AHCYL2: variants seen among roughly 807,000 people sequenced by gnomAD.
The protein encoded by AHCYL2 is adenosylhomocysteinase like 2.
AHCYL2 carries 28 observed loss-of-function variants against 81.4 expected under a neutral mutation model. That is an observed-to-expected ratio of 0.34 (90% CI 0.25 to 0.47). AHCYL2 has a LOEUF of 0.47. Ranked by LOEUF, AHCYL2 falls within the 20% of genes least tolerant of loss-of-function variation. AHCYL2 has a pLI of 1.00. For missense variants in AHCYL2, 551 were observed against 785.1 expected (o/e 0.70, Z 3.56); for synonymous variants, 272 against 290.2 (o/e 0.94, Z 0.64).
In AHCYL2 at chr7:129,426,303, G is replaced by A; in HGVS notation, c.1709-140G>A. 7.8e-7 allele frequency: 1 copy of A among 1,278,632 alleles called. No homozygotes were observed. The highest frequency in any genetic ancestry group is 1.1e-6 in the Non-Finnish European group (1 of 890,674). The allele number at this position is 1,278,632 out of a possible 1,614,324, so 79.2% of individuals were successfully genotyped here. A position where few individuals can be genotyped will look rare whatever the true frequency, so the allele number is the denominator to read the frequency against. On this transcript the variant is annotated intron_variant, in intron 15 of 16. Coordinates refer to ENST00000325006, the MANE Select transcript of AHCYL2 (RefSeq NM_015328.4). The surrounding 1 kb of genome is among the most constrained non-coding windows in gnomAD (Gnocchi z 4.3). ...AGCTATTCCTTAGAATTGAGGACCA[G>A]TGAGCGAAGGTTGAACATTTTTCAT...
chr7:129,242,223 A>T (rs1464812532), intron 1 of AHCYL2, among the ~76,000 whole-genome samples: 1 of 151,554 alleles, frequency 6.6e-6, no homozygotes, highest in African/African-American at 2.4e-5. Flanking sequence ...CATTCATCTC[A>T]CTGTGTTGCC....
chr7:129,383,952 T>C (rs371034365), intron 2 of AHCYL2, among the ~76,000 whole-genome samples: 1 of 152,214 alleles, frequency 6.6e-6, no homozygotes, highest in East Asian at 1.9e-4. Flanking sequence ...AACAATGTGT[T>C]GTATTCTAGA....
At chr7:129,324,130 G>T (rs7792317) in intron 1 of AHCYL2, among the ~76,000 whole-genome samples, 2 of 152,040 alleles carry the variant, frequency 1.3e-5, no homozygotes, top group South Asian at 4.2e-4. Context: ...TGATCCACCC[G>T]CCTTGGTGTC....
In AHCYL2 at chr7:129,413,600, A is replaced by G. The variant is rs368099190; in HGVS notation, c.1373A>G (p.Lys458Arg). The change falls in exon 12 of 17, where the codon AAG (lysine) becomes AGG (arginine). Residue 458 changes from lysine to arginine, a missense_variant. Lys to Arg is a conservative substitution (Grantham distance 26, BLOSUM62 2). Coordinates refer to ENST00000325006, the MANE Select transcript of AHCYL2 (RefSeq NM_015328.4). Reference protein sequence around the residue: ...VDIVITCTGNKNVVTREHLDR... With the variant: ...VDIVITCTGNRNVVTREHLDR... ...CCTCTCTTCTGTTTTTAAGGTAACA[A>G]GAATGTGGTAACCAGAGAGCACTTG... The G allele has an allele frequency of 1.2e-6, 2 of 1,613,784 alleles. No homozygotes were observed. The highest frequency in any genetic ancestry group is 1.7e-6 in the Non-Finnish European group (2 of 1,179,824).
intron 11 of AHCYL2, among the ~76,000 whole-genome samples, chr7:129,410,639 G>A (rs537875680): frequency 6.6e-5 from 10 of 152,282 alleles, no homozygotes; most frequent in African/African-American, 2.4e-4. Flanking sequence ...ATTAAGGCAA[G>A]GCTAGAGAGA....
At chr7:129,349,186 GTT>G (rs1793463968) in intron 1 of AHCYL2, among the ~76,000 whole-genome samples, 1 of 152,098 alleles carries the variant, frequency 6.6e-6, no homozygotes, top group Non-Finnish European at 1.5e-5. Flanking sequence ...TCTTGAAAAT[GTT>G]TTGATTCTAT....
chr7:129,364,763 C>A (rs1376245419), intron 1 of AHCYL2, among the ~76,000 whole-genome samples: 1 of 152,052 alleles, frequency 6.6e-6, no homozygotes, highest in African/African-American at 2.4e-5. Context: ...TAATGCAGAT[C>A]AAAATGGATT....
intron 1 of AHCYL2, among the ~76,000 whole-genome samples, chr7:129,235,158 A>G (rs1466003537): frequency 1.3e-5 from 2 of 151,802 alleles, no homozygotes; most frequent in Non-Finnish European, 2.9e-5. Flanking sequence ...AGCATTTGAC[A>G]TTGACTCCTT....
chr7:129,379,869 C>A, intron 2 of AHCYL2, 120 bp downstream of exon 2: 2 of 685,980 alleles, frequency 2.9e-6, no homozygotes, highest in Non-Finnish European at 4.5e-6. Context: ...ATAAATACTT[C>A]GAGTCAAAAT....
chr7:129,365,401 G>A (rs1280091065), intron 1 of AHCYL2, among the ~76,000 whole-genome samples: 1 of 152,206 alleles, frequency 6.6e-6, no homozygotes, highest in Non-Finnish European at 1.5e-5. Flanking sequence ...ACTCCTTAGA[G>A]TATGTACCCT....
intron 1 of AHCYL2, among the ~76,000 whole-genome samples, chr7:129,359,977 A>G (rs1276081391): frequency 1.3e-5 from 2 of 152,102 alleles, no homozygotes; most frequent in Non-Finnish European, 1.5e-5. Flanking sequence ...TGTTATAGTG[A>G]TGTTTCTATT....
intron 11 of AHCYL2, chr7:129,410,458 A>G: frequency 7.9e-7 from 1 of 1,264,686 alleles, no homozygotes; most frequent in Non-Finnish European, 1.2e-6. Flanking sequence ...TTAAATGTGT[A>G]CGTCATTCAT....
intron 1 of AHCYL2, among the ~76,000 whole-genome samples, chr7:129,255,998 TC>T (rs1218718511): frequency 6.6e-6 from 1 of 151,916 alleles, no homozygotes; most frequent in African/African-American, 2.4e-5. Flanking sequence ...GAGATTGAGT[TC>T]AAAGGGAAGT....
intron 1 of AHCYL2, among the ~76,000 whole-genome samples, chr7:129,294,212 A>G (rs1260937200): frequency 1.3e-5 from 2 of 151,948 alleles, no homozygotes; most frequent in Non-Finnish European, 2.9e-5. Context: ...GCCTTTTCCT[A>G]TTTTTTTCTT....
chr7:129,388,137 T>C (rs1795285970), intron 2 of AHCYL2: 1 of 152,198 alleles, frequency 6.6e-6, no homozygotes, highest in South Asian at 2.1e-4. Flanking sequence ...ACAAAGCGTT[T>C]TCTAGAGAGT....
intron 3 of AHCYL2, 73 bp downstream of exon 3, chr7:129,389,272 CTG>C: frequency 6.4e-7 from 1 of 1,567,066 alleles, no homozygotes; most frequent in Non-Finnish European, 8.7e-7. Context: ...CTTTTTATGT[CTG>C]GGGTCTGGTA....
intron 2 of AHCYL2, among the ~76,000 whole-genome samples, chr7:129,380,544 A>G (rs1227825976): frequency 1.3e-5 from 2 of 152,230 alleles, no homozygotes; most frequent in African/African-American, 4.8e-5. Context: ...CAAATAGGAA[A>G]GTAATATTTG....
intron 4 of AHCYL2, among the ~76,000 whole-genome samples, chr7:129,395,041 A>T (rs1166490834): frequency 6.6e-6 from 1 of 151,664 alleles, no homozygotes; most frequent in Non-Finnish European, 1.5e-5. Context: ...GACATTTTTA[A>T]TTGAGTGGTA....
In AHCYL2 at chr7:129,406,294, A is replaced by G. The variant is rs1796304287; in HGVS notation, c.1207-84A>G. The G allele has an allele frequency of 2.5e-6, 3 of 1,206,874 alleles. No homozygotes were observed. The highest frequency in any genetic ancestry group is 3.6e-6 in the Non-Finnish European group (3 of 823,942). The allele number at this position is 1,206,874 out of a possible 1,614,324, so 74.8% of individuals were successfully genotyped here. A position where few individuals can be genotyped will look rare whatever the true frequency, so the allele number is the denominator to read the frequency against. On this transcript the variant is annotated intron_variant, in intron 9 of 16. Coordinates refer to ENST00000325006, the MANE Select transcript of AHCYL2 (RefSeq NM_015328.4). This position sits in a 1 kb window ranked among gnomAD's most constrained non-coding sequence, Gnocchi z 4.3. ...AGTGAAATTCCTCTCGGGGGTGGAA[A>G]GAGGGGGTGCACTTTACCAGAAGCT... is the stretch of plus-strand genomic sequence containing the variant.
Sources: gnomAD v4.1 joint callset for allele counts (sites outside exome capture counted in the v4.1 genomes callset) on GRCh38, gnomAD v4.1.1 for gene constraint, Gnocchi (gnomAD v3.1) non-coding constraint, MANE v1.5 for transcripts, NCBI Gene and HGNC (gene_info 2026-07-23, HGNC 2026-07-21) for gene names.